The following PITPNM3 variants were observed in gnomAD, a reference collection of about 807,000 sequenced individuals.
The protein encoded by PITPNM3 is PITPNM family member 3, also known as membrane-associated phosphatidylinositol transfer protein 3.
PITPNM3 carries 26 observed loss-of-function variants against 102.0 expected under a neutral mutation model. The ratio of observed to expected loss-of-function variants is 0.25; its 90% CI spans 0.19 to 0.35. PITPNM3 has a LOEUF of 0.35. Ranked by LOEUF, PITPNM3 falls within the 10% of genes least tolerant of loss-of-function variation. The pLI is 1.00. For missense variants in PITPNM3, 1,083 were observed against 1,346.1 expected (o/e 0.80, Z 3.06); for synonymous variants, 578 against 558.6 (o/e 1.03, Z -0.49).
At position 6,463,757 on chromosome 17, in the gene PITPNM3, G is replaced by A. The variant is rs1325856527; in HGVS notation, c.2281C>T (p.Arg761Trp). The change falls in exon 17 of 20, where the codon CGG (arginine) becomes TGG (tryptophan). Residue 761 changes from arginine (R) to tryptophan (W), a missense_variant. This residue lies in a region of PITPNM3 where 410 missense variants were observed against 638.4 expected (regional missense o/e 0.64). Transcript: ENST00000262483. ...VSIMGSDPKV[R>W]PGAVDVVRHW... ...CGGACAACATCCACTGCACCCGGCC[G>A]GACCTTGGGGTCGCTTCCCATGATA... The A allele has an allele frequency of 1.2e-6, 2 of 1,611,760 alleles. No homozygotes were observed. Among genetic ancestry groups the A allele is most frequent in the Non-Finnish European group, 8.5e-7 (1 of 1,179,720 alleles).
At chr17:6,473,378 C>T (rs1385289881) in intron 10 of PITPNM3, among the ~76,000 whole-genome samples, 1 of 152,130 alleles carries the variant, frequency 6.6e-6, no homozygotes, top group Non-Finnish European at 1.5e-5. Context: ...CCCTGTCCTC[C>T]TAGAACAGGG....
chr17:6,466,110 T>C (rs1319965075), intron 14 of PITPNM3, among the ~76,000 whole-genome samples: 1 of 152,210 alleles, frequency 6.6e-6, no homozygotes, highest in African/African-American at 2.4e-5. Flanking sequence ...TTCTGGTCCT[T>C]TCTGCCAGGC....
At chr17:6,547,609 C>T (rs1910091411) in intron 1 of PITPNM3, among the ~76,000 whole-genome samples, 1 of 152,216 alleles carries the variant, frequency 6.6e-6, no homozygotes, top group Non-Finnish European at 1.5e-5. Flanking sequence ...ATTCCTTCTG[C>T]TCATGGCAGG....
chr17:6,490,376 G>C (rs1906384210), intron 4 of PITPNM3, among the ~76,000 whole-genome samples: 1 of 152,126 alleles, frequency 6.6e-6, no homozygotes, highest in South Asian at 2.1e-4. Context: ...TCCCCGGTAA[G>C]AGTCAGGCAG....
intron 19 of PITPNM3, among the ~76,000 whole-genome samples, chr17:6,456,295 A>C (rs1041245860): frequency 6.6e-6 from 1 of 152,182 alleles, no homozygotes; most frequent in Non-Finnish European, 1.5e-5. Flanking sequence ...GATTACAGGC[A>C]TGAGCCAGGG....
In PITPNM3 at chr17:6,471,019, AG is replaced by A. The variant is rs1905040500; in HGVS notation, c.1624+141del. 5 of 969,274 alleles carry A rather than the reference AG, an allele frequency of 5.2e-6. No homozygotes were observed. In the East Asian group the frequency reaches 1.0e-4, roughly 20 times the overall value. The allele number at this position is 969,274 out of a possible 1,614,324, so 60.0% of individuals were successfully genotyped here. A position where few individuals can be genotyped will look rare whatever the true frequency, so the allele number is the denominator to read the frequency against. ...AGCAGACGCCCAGCTCTCTAAAGGCAGAAGCAAGCCCCCAGGACTTCCTTCA... is the reference window on the plus strand; with the variant it reads ...AGCAGACGCCCAGCTCTCTAAAGGCAAAGCAAGCCCCCAGGACTTCCTTCA... On this transcript the variant is annotated intron_variant, in intron 12 of 19. Transcript: ENST00000262483.
chr17:6,484,149 T>A (rs189208821), intron 5 of PITPNM3, 67 bp downstream of exon 5: 197 of 1,491,590 alleles, frequency 1.3e-4, no homozygotes, highest in Non-Finnish European at 1.7e-4. Context: ...CCGCCTATGA[T>A]CCGAGGGCTC....
In PITPNM3 at chr17:6,468,372, G is replaced by C. The variant is rs1904894382; in HGVS notation, c.1774-31C>G. 3 of 1,606,646 alleles carry C rather than the reference G, an allele frequency of 1.9e-6. No homozygotes were observed. In the African/African-American group the frequency reaches 4.0e-5, roughly 21 times the overall value. The stretch of plus-strand genomic sequence containing the variant: ...CAAGAGCCGAGCAGGGCCCCGGTCA[G>C]GTCTTCTGGCTTCTCTGCTTCCCTC... On this transcript the variant is annotated intron_variant, in intron 13 of 19. Coordinates refer to ENST00000262483, the MANE Select transcript of PITPNM3 (RefSeq NM_031220.4). The surrounding 1 kb of genome is among the most constrained non-coding windows in gnomAD (Gnocchi z 5.2).
Position 6,556,233 on chromosome 17 carries a change from C to T in PITPNM3, c.22+152G>A. On this transcript the variant is annotated intron_variant, in intron 1 of 19. Coordinates refer to ENST00000262483, the MANE Select transcript of PITPNM3 (RefSeq NM_031220.4). The surrounding 1 kb of genome is among the most constrained non-coding windows in gnomAD (Gnocchi z 5.2). ...GGGCGCGCGGAGCCCCCTCTCCACG[C>T]GCGGGAGGTCCAGCCCCGCTACCGC... The T allele has an allele frequency of 2.1e-6, 1 of 469,830 alleles. No individual in the cohort carries two copies. The highest frequency in any genetic ancestry group is 3.2e-6 in the Non-Finnish European group (1 of 309,706). 29.1% of individuals were successfully genotyped at this position (469,830 alleles called of 1,614,324 possible).
chr17:6,554,208 T>G (rs1266892875), intron 1 of PITPNM3, among the ~76,000 whole-genome samples: 2 of 150,014 alleles, frequency 1.3e-5, no homozygotes, highest in African/African-American at 4.9e-5. Context: ...TAGTCCCAGT[T>G]ACTTGGGAGG....
chr17:6,510,048 C>T (rs527882783), intron 3 of PITPNM3, among the ~76,000 whole-genome samples: 101 of 152,126 alleles, frequency 6.6e-4, no homozygotes, highest in Non-Finnish European at 1.4e-3. Context: ...CCCCAAATCT[C>T]CATTCTTCCC....
rs1448905103 is a variant in PITPNM3, at chr17:6,470,403, C to T, written c.1630G>A (p.Ala544Thr). 1 of 1,614,116 alleles carries T rather than the reference C, an allele frequency of 6.2e-7. No homozygotes were observed. Among genetic ancestry groups the T allele is most frequent in the Non-Finnish European group, 8.5e-7 (1 of 1,180,018 alleles). The change falls in exon 13 of 20, where the codon GCC becomes ACC. Residue 544 changes from alanine to threonine, a missense_variant. By Grantham distance (58) the Ala-to-Thr change is moderately conservative. Transcript: ENST00000262483. The surrounding 1 kb of genome is among the most constrained non-coding windows in gnomAD (Gnocchi z 4.8). ...ATCCTCTTGCTTCCCCACCACTTGG[C>T]TGTGACTGTGGGTCGGAGAGGAAGG... Reference protein sequence around the residue: ...MAPVGASRITAKWWGSKRIDY... With the variant: ...MAPVGASRITTKWWGSKRIDY...
In PITPNM3 at chr17:6,464,395, A is replaced by C. The variant is rs1471832797; in HGVS notation, c.2008-77T>G. 55 of 1,472,046 alleles carry C rather than the reference A, an allele frequency of 3.7e-5. No homozygotes were observed. In the South Asian group the frequency reaches 4.1e-4, roughly 11 times the overall value. 91.2% of individuals were successfully genotyped at this position (1,472,046 alleles called of 1,614,324 possible). A position where few individuals can be genotyped will look rare whatever the true frequency, so the allele number is the denominator to read the frequency against. ...CTTGGCAGAGGGGCTGGGCGGGGGA[A>C]CTCTGGGCTGAGGTCCCTGCCTGAC... On this transcript the variant is annotated intron_variant, in intron 15 of 19. Transcript: ENST00000262483.
intron 3 of PITPNM3, among the ~76,000 whole-genome samples, chr17:6,515,569 G>C (rs1481913952): frequency 1.3e-5 from 2 of 152,026 alleles, no homozygotes; most frequent in Admixed American, 6.6e-5. Context: ...AAAAGAATTT[G>C]GCAAGACCTG....
rs70956759 is a variant in PITPNM3, at chr17:6,451,886, G to GC, written c.*3451dup. 6.5e-5 allele frequency: 5 copies of GC among 76,918 alleles called. 2 individuals are homozygous for GC. The highest frequency in any genetic ancestry group is 1.6e-4 in the Admixed American group (1 of 6,404). The allele number at this position is 76,918 out of a possible 1,614,324, so 4.8% of individuals were successfully genotyped here. A position where few individuals can be genotyped will look rare whatever the true frequency, so the allele number is the denominator to read the frequency against. On this transcript the variant is annotated 3_prime_UTR_variant, in exon 20 of 20. Transcript: ENST00000262483. Reference sequence around the variant, plus strand: ...CTTGGCACCCAAACCCCCCCCCCCCGCCCGCCGATGGGATTCGGTGGGAAA... The same window carrying GC: ...CTTGGCACCCAAACCCCCCCCCCCCGCCCCGCCGATGGGATTCGGTGGGAAA...
rs539611927 is a variant in PITPNM3 at position 6,483,607 on chromosome 17, C to T, written c.497G>A (p.Arg166Gln). Residue 166 changes from arginine (R) to glutamine (Q), a missense_variant, in exon 6 of 20, where the codon CGA becomes CAA. Transcript: ENST00000262483. ...GCCCAGGGCAGCAGGGAAATGGGCTCGTGTGACCTTCTCCAGCACGGAGCT... is the reference window on the plus strand; with the variant it reads ...GCCCAGGGCAGCAGGGAAATGGGCTTGTGTGACCTTCTCCAGCACGGAGCT... ...TFSSVLEKVT[R>Q]AHFPAALGHI... 1.1e-5 allele frequency: 17 copies of T among 1,613,978 alleles called. No individual in the cohort carries two copies. Among genetic ancestry groups the T allele is most frequent in the Admixed American group, 3.3e-5 (2 of 59,994 alleles).
intron 14 of PITPNM3, among the ~76,000 whole-genome samples, chr17:6,466,856 C>T (rs1363755487): frequency 6.6e-6 from 1 of 151,910 alleles, no homozygotes; most frequent in Admixed American, 6.6e-5. Context: ...ACCAGCCTGG[C>T]CAACATGGCG....
intron 10 of PITPNM3, 115 bp downstream of exon 10, chr17:6,474,317 A>G: frequency 7.2e-7 from 1 of 1,396,190 alleles, no homozygotes; most frequent in Non-Finnish European, 9.9e-7. Flanking sequence ...ACCTATCCCA[A>G]CTCTGTGACC....
At position 6,471,125 on chromosome 17, in the gene PITPNM3, C is replaced by A. The variant is rs771154240; in HGVS notation, c.1624+36G>T. The A allele has an allele frequency of 5.6e-6, 9 of 1,608,974 alleles. No individual in the cohort carries two copies. The East Asian group carries it at 1.1e-4, about 20-fold the overall frequency. On this transcript the variant is annotated intron_variant, in intron 12 of 19. Coordinates refer to ENST00000262483, the MANE Select transcript of PITPNM3 (RefSeq NM_031220.4). ...CACCCAGAGGAAGGTTCCCCTCCCC[C>A]GAATCCAGGCAGGGCCCCAAAAGGA...
Sources: gnomAD v4.1 joint callset for allele counts (sites outside exome capture counted in the v4.1 genomes callset) on GRCh38, gnomAD v4.1.1 for gene constraint, gnomAD v4.1.1 regional missense constraint, Gnocchi (gnomAD v3.1) non-coding constraint, MANE v1.5 for transcripts, NCBI Gene and HGNC (gene_info 2026-07-23, HGNC 2026-07-21) for gene names.